THSD7A: variants seen among roughly 807,000 people sequenced by gnomAD.
THSD7A encodes thrombospondin type 1 domain containing 7A.
THSD7A carries 96 observed loss-of-function variants against 231.3 expected under a neutral mutation model. The observed-to-expected ratio is 0.41, with a 90% CI of 0.35 to 0.49. THSD7A has a LOEUF of 0.49. Among genes scored for constraint, THSD7A ranks in the 20% least tolerant of loss-of-function variants. THSD7A has a pLI of 0.05. For missense variants in THSD7A, 2,290 were observed against 2,070.2 expected (o/e 1.11, Z -2.06); for synonymous variants, 940 against 743.3 (o/e 1.26, Z -4.30).
intron 1 of THSD7A, among the ~76,000 whole-genome samples, chr7:11,710,669 T>C (rs1342443440): frequency 6.6e-6 from 1 of 150,884 alleles, no homozygotes; most frequent in African/African-American, 2.4e-5. Flanking sequence ...GATTGAAGTT[T>C]GCAAAATGCT....
intron 1 of THSD7A, among the ~76,000 whole-genome samples, chr7:11,670,161 C>A (rs907289822): frequency 6.6e-6 from 1 of 152,122 alleles, no homozygotes; most frequent in Non-Finnish European, 1.5e-5. Flanking sequence ...CAACATATGG[C>A]TGAATAGTTC....
intron 7 of THSD7A, among the ~76,000 whole-genome samples, chr7:11,480,706 T>C (rs1330411331): frequency 6.6e-6 from 1 of 152,170 alleles, no homozygotes; most frequent in Non-Finnish European, 1.5e-5. Context: ...AACACTCATG[T>C]GCAAAGGCCA....
intron 2 of THSD7A, among the ~76,000 whole-genome samples, chr7:11,613,113 G>A (rs1247734644): frequency 6.6e-6 from 1 of 152,128 alleles, no homozygotes; most frequent in Non-Finnish European, 1.5e-5. Context: ...GTTAGAGGTG[G>A]GAAATAGATA....
intron 13 of THSD7A, among the ~76,000 whole-genome samples, chr7:11,434,652 C>CA (rs1299519350): frequency 6.6e-6 from 1 of 151,910 alleles, no homozygotes; most frequent in Non-Finnish European, 1.5e-5. Context: ...AAAGCAACCT[C>CA]AAAAAATCTC....
intron 1 of THSD7A, among the ~76,000 whole-genome samples, chr7:11,729,193 G>T (rs1025055898): frequency 6.6e-6 from 1 of 151,792 alleles, no homozygotes; most frequent in Non-Finnish European, 1.5e-5. Flanking sequence ...TGGGAAGGTT[G>T]TTCATTGTGG....
chr7:11,676,913 A>G (rs1486345363), intron 1 of THSD7A, among the ~76,000 whole-genome samples: 1 of 152,186 alleles, frequency 6.6e-6, no homozygotes, highest in East Asian at 1.9e-4. Context: ...CAGGAAATAC[A>G]GAGAACACCA....
intron 1 of THSD7A, among the ~76,000 whole-genome samples, chr7:11,694,757 C>G (rs1356179732): frequency 6.6e-6 from 1 of 151,560 alleles, no homozygotes; most frequent in East Asian, 2.0e-4. Context: ...AATATGCTTC[C>G]TATTCCAACA....
chr7:11,487,967 G>A (rs990753891), intron 6 of THSD7A, among the ~76,000 whole-genome samples: 1 of 151,954 alleles, frequency 6.6e-6, no homozygotes, highest in Non-Finnish European at 1.5e-5. Context: ...CAACTTTTAT[G>A]GTTGATTTTA....
chr7:11,417,184 C>G (rs1369227670), intron 17 of THSD7A, among the ~76,000 whole-genome samples: 1 of 152,104 alleles, frequency 6.6e-6, no homozygotes, highest in Non-Finnish European at 1.5e-5. Flanking sequence ...ATAAGGCAAA[C>G]TGAAGGCCTT....
At chr7:11,440,856 G>A (rs960437800) in intron 13 of THSD7A, among the ~76,000 whole-genome samples, 1 of 152,092 alleles carries the variant, frequency 6.6e-6, no homozygotes, top group Non-Finnish European at 1.5e-5. Flanking sequence ...TGACAAAGCA[G>A]TAGTAGGGTT....
chr7:11,404,940 T>C (rs571214305), intron 22 of THSD7A, among the ~76,000 whole-genome samples: 98 of 152,268 alleles, frequency 6.4e-4, no homozygotes, highest in African/African-American at 2.2e-3. Flanking sequence ...AAGGAGCTGC[T>C]ATTCAGATTT....
At chr7:11,580,452 C>G (rs1258458379) in intron 4 of THSD7A, among the ~76,000 whole-genome samples, 1 of 152,114 alleles carries the variant, frequency 6.6e-6, no homozygotes, top group Non-Finnish European at 1.5e-5. Flanking sequence ...ACTCCAAGTA[C>G]ACAAAGCTAT....
chr7:11,764,146 C>T (rs941425594), intron 1 of THSD7A, among the ~76,000 whole-genome samples: 1 of 152,102 alleles, frequency 6.6e-6, no homozygotes, highest in Non-Finnish European at 1.5e-5. Flanking sequence ...TTCAATCCTA[C>T]CTTAAATTAA....
chr7:11,405,506 C>T (rs752652634), intron 22 of THSD7A, among the ~76,000 whole-genome samples: 1 of 152,038 alleles, frequency 6.6e-6, no homozygotes, highest in African/African-American at 2.4e-5. Flanking sequence ...ATTTCCAGTC[C>T]ACTAATAAAT....
At chr7:11,378,504 T>C (rs1335073148) in intron 26 of THSD7A, among the ~76,000 whole-genome samples, 1 of 152,204 alleles carries the variant, frequency 6.6e-6, no homozygotes, top group Non-Finnish European at 1.5e-5. Flanking sequence ...ATTTGGATCA[T>C]CCTATCCAGA....
At chr7:11,621,930 T>C (rs930840226) in intron 2 of THSD7A, among the ~76,000 whole-genome samples, 2 of 152,278 alleles carry the variant, frequency 1.3e-5, no homozygotes, top group East Asian at 3.9e-4. Context: ...ATGTTTGTCA[T>C]AATGACATGG....
rs573334620 is a variant in THSD7A, at chr7:11,783,938, T to C, written c.190+47819A>G. On this transcript the variant is annotated intron_variant, in intron 1 of 27. Coordinates refer to ENST00000423059, the MANE Select transcript of THSD7A (RefSeq NM_015204.3). ...AGAAAATCCCCTTTTGTCACTTCAT[T>C]AATTACCAATACATAGGCTCACTTA... Among the ~76,000 whole-genome samples the C allele has an allele frequency of 7.9e-5, 12 of 152,238 alleles. No homozygotes were observed. In the South Asian group the frequency reaches 2.5e-3, roughly 32 times the overall value.
chr7:11,754,757 A>G (rs533068886), intron 1 of THSD7A, among the ~76,000 whole-genome samples: 1 of 152,216 alleles, frequency 6.6e-6, no homozygotes, highest in African/African-American at 2.4e-5. Context: ...CATACAATGT[A>G]GTTCCTTTTT....
chr7:11,625,993 A>G (rs1459413141), intron 2 of THSD7A, among the ~76,000 whole-genome samples: 1 of 152,088 alleles, frequency 6.6e-6, no homozygotes, highest in Non-Finnish European at 1.5e-5. Flanking sequence ...TAGAACAACT[A>G]AATGGGAGAT....
Sources: allele counts gnomAD v4.1 joint callset (sites outside exome capture counted in the v4.1 genomes callset), GRCh38; gene constraint gnomAD v4.1.1; transcripts MANE v1.5; gene names NCBI Gene and HGNC (gene_info 2026-07-23, HGNC 2026-07-21).